The following FGF13 variants were observed in gnomAD, a reference collection of about 807,000 sequenced individuals.
FGF13 encodes fibroblast growth factor homologous factor 2.
Under a neutral mutation model 19.5 loss-of-function variants are expected in FGF13, and 2 were observed. The ratio of observed to expected loss-of-function variants is 0.10; its 90% confidence interval spans 0.04 to 0.32. FGF13 has a LOEUF of 0.32. Among genes scored for constraint, FGF13 ranks in the 10% least tolerant of loss-of-function variants. The pLI is 1.00. For synonymous variants in FGF13, 72 were observed against 76.9 expected (o/e 0.94, Z 0.33); for missense variants, 113 against 192.7 (o/e 0.59, Z 2.45).
chrX:139,202,604 A>C (rs1229213225), intron 1 of FGF13, among the ~76,000 whole-genome samples: 1 of 111,299 alleles, frequency 9.0e-6, no homozygotes, highest in Admixed American at 9.5e-5. Context: ...TATTTGGGGG[A>C]GAAATGGCTC....
exon 1 of FGF13, chrX:138,739,350 G>C (rs1300675415): frequency 9.3e-7 from 1 of 1,073,680 alleles, no homozygotes; most frequent in Middle Eastern, 2.5e-4. Context: ...ATCAGAGAAA[G>C]TTTAAGGCAT....
At chrX:139,053,429 T>G (rs2092309296) in intron 1 of FGF13, among the ~76,000 whole-genome samples, 1 of 107,012 alleles carries the variant, frequency 9.3e-6, no homozygotes, top group African/African-American at 3.5e-5. Flanking sequence ...TTTTTTTTTT[T>G]GGTTTTTATG....
At chrX:138,919,600 A>G (rs751712321) in intron 1 of FGF13, among the ~76,000 whole-genome samples, 1 of 112,043 alleles carries the variant, frequency 8.9e-6, no homozygotes, top group Non-Finnish European at 1.9e-5. Context: ...TGCTGAGTTA[A>G]AAAGGTCAAT....
At chrX:138,958,926 G>T (rs2091855500) in intron 1 of FGF13, among the ~76,000 whole-genome samples, 1 of 110,991 alleles carries the variant, frequency 9.0e-6, no homozygotes, top group South Asian at 3.8e-4. Flanking sequence ...CTCTTTATTA[G>T]TCTTGCTAGT....
intron 1 of FGF13, among the ~76,000 whole-genome samples, chrX:139,028,685 GACA>G (rs2092213375): frequency 4.3e-5 from 2 of 46,077 alleles, no homozygotes; most frequent in Admixed American, 5.0e-4. Flanking sequence ...GTGTGTGAAA[GACA>G]GTGTGTGTGT....
intron 3 of FGF13, among the ~76,000 whole-genome samples, chrX:138,756,897 T>C (rs1002987414): frequency 1.8e-5 from 2 of 111,868 alleles, no homozygotes; most frequent in African/African-American, 6.5e-5. Context: ...TCTCTTGATC[T>C]AATTCCAGTC....
intron 1 of FGF13, among the ~76,000 whole-genome samples, chrX:139,101,715 G>A (rs757963968): frequency 1.1e-4 from 12 of 112,222 alleles, no homozygotes; most frequent in South Asian, 3.7e-4. Context: ...GGACTTCATC[G>A]AATTGTATAA....
At chrX:139,118,791 C>T (rs759181294) in intron 1 of FGF13, among the ~76,000 whole-genome samples, 2 of 110,531 alleles carry the variant, frequency 1.8e-5, no homozygotes, top group South Asian at 7.8e-4. Context: ...GGAGGCTAGG[C>T]GAGAAGAATC....
At chrX:138,798,254 T>C (rs1320258817) in intron 3 of FGF13, among the ~76,000 whole-genome samples, 4 of 111,497 alleles carry the variant, frequency 3.6e-5, no homozygotes, top group Non-Finnish European at 7.5e-5. Flanking sequence ...CCAGTTTTTT[T>C]AGAGTTTTAG....
upstream of FGF13, chrX:138,711,785 G>A (rs1330214297): frequency 1.8e-6 from 1 of 566,052 alleles, no homozygotes; most frequent in Non-Finnish European, 2.1e-6. Context: ...GCTCGGAGCC[G>A]CAGGCCGCCC....
chrX:138,874,312 A>G (rs1030522069), intron 1 of FGF13, among the ~76,000 whole-genome samples: 4 of 110,580 alleles, frequency 3.6e-5, no homozygotes, highest in Admixed American at 9.7e-5. Flanking sequence ...CACGTAAATT[A>G]TCTCCCAGCC....
At chrX:138,909,056 G>C (rs1461088741) in intron 1 of FGF13, among the ~76,000 whole-genome samples, 1 of 112,097 alleles carries the variant, frequency 8.9e-6, no homozygotes, top group Non-Finnish European at 1.9e-5. Flanking sequence ...TTGAACCTAA[G>C]GCTGCTTAGA....
intron 3 of FGF13, among the ~76,000 whole-genome samples, chrX:138,784,318 T>TAA (rs1163693056): frequency 2.4e-5 from 2 of 82,619 alleles, no homozygotes; most frequent in African/African-American, 9.0e-5. Context: ...AGTATAATAA[T>TAA]AAAAAAAAAA....
At chrX:138,749,091 C>T (rs2090377526) in intron 3 of FGF13, among the ~76,000 whole-genome samples, 1 of 110,908 alleles carries the variant, frequency 9.0e-6, no homozygotes, top group Non-Finnish European at 1.9e-5. Context: ...CAGGCACTTT[C>T]AATGCAAAGG....
intron 3 of FGF13, among the ~76,000 whole-genome samples, chrX:138,803,920 T>A (rs2090847325): frequency 8.9e-6 from 1 of 111,988 alleles, no homozygotes; most frequent in African/African-American, 3.2e-5. Flanking sequence ...GTTGGTCTTT[T>A]GATTTGATGC....
At chrX:138,763,337 A>C (rs1008578489) in intron 3 of FGF13, among the ~76,000 whole-genome samples, 1 of 110,754 alleles carries the variant, frequency 9.0e-6, no homozygotes, top group South Asian at 3.8e-4. Context: ...ATTTGGGTGG[A>C]TACTTACTAC....
chrX:138,775,836 A>G (rs2090583525), intron 3 of FGF13, among the ~76,000 whole-genome samples: 1 of 112,515 alleles, frequency 8.9e-6, no homozygotes, highest in Non-Finnish European at 1.9e-5. Flanking sequence ...TATTCCAGAC[A>G]CTTGAGTCCA....
intron 3 of FGF13, among the ~76,000 whole-genome samples, chrX:138,772,922 G>A (rs1346494725): frequency 9.1e-6 from 1 of 110,231 alleles, no homozygotes; most frequent in Non-Finnish European, 1.9e-5. Flanking sequence ...AGCTATAAAA[G>A]TATCTATAGT....
intron 3 of FGF13, among the ~76,000 whole-genome samples, chrX:138,768,726 T>TATATATATATA (rs1226957604): frequency 5.5e-4 from 54 of 97,844 alleles, no homozygotes; most frequent in African/African-American, 2.1e-3. Context: ...TAAGTATATA[T>TATATATATATA]TATATATATA....
Sources: allele counts gnomAD v4.1 joint callset (sites outside exome capture counted in the v4.1 genomes callset), GRCh38; gene constraint gnomAD v4.1.1; transcripts MANE v1.5; gene names NCBI Gene and HGNC (gene_info 2026-07-23, HGNC 2026-07-21).